The following EXTL3 variants were observed in gnomAD, a reference collection of about 807,000 sequenced individuals.
EXTL3 encodes the protein exostosin-like 3.
A neutral mutation model predicts 69.3 loss-of-function variants in EXTL3; 27 were observed. That is an observed-to-expected ratio of 0.39 (90% CI 0.29 to 0.54). The LOEUF is 0.54. Ranked by LOEUF, EXTL3 falls within the 20% of genes least tolerant of loss-of-function variation. The pLI is 0.69. For synonymous variants in EXTL3, 511 were observed against 499.4 expected (o/e 1.02, Z -0.31); for missense variants, 1,003 against 1,231.8 (o/e 0.81, Z 2.78).
At chr8:28,621,468 C>T (rs1806408615), upstream of EXTL3, among the ~76,000 whole-genome samples, 1 of 152,190 alleles carries the variant, frequency 6.6e-6, no homozygotes, top group Non-Finnish European at 1.5e-5. Flanking sequence ...AGACAGCACA[C>T]GTCTGCTGAT....
At chr8:28,729,595 CAAAAAAAAAA>C (rs567929424) in intron 3 of EXTL3, among the ~76,000 whole-genome samples, 5 of 33,234 alleles carry the variant, frequency 1.5e-4, no homozygotes, top group Admixed American at 5.1e-4. Flanking sequence ...GACTCCATCT[CAAAAAAAAAA>C]AAAAAAAAAA....
At chr8:28,674,417 T>C (rs1807346799) in intron 1 of EXTL3, among the ~76,000 whole-genome samples, 1 of 152,184 alleles carries the variant, frequency 6.6e-6, no homozygotes. Flanking sequence ...ATGAATATAA[T>C]GATGTTGGTT....
At chr8:28,630,011 C>T (rs1032857627) in intron 1 of EXTL3, among the ~76,000 whole-genome samples, 3 of 152,228 alleles carry the variant, frequency 2.0e-5, no homozygotes, top group Non-Finnish European at 2.9e-5. Context: ...TGACTCATCA[C>T]GATGATGCAT....
chr8:28,638,841 A>G (rs1806697239), intron 1 of EXTL3, among the ~76,000 whole-genome samples: 1 of 151,978 alleles, frequency 6.6e-6, no homozygotes, highest in Admixed American at 6.6e-5. Context: ...ATGTTTGCCA[A>G]GTTGGTCTTG....
At chr8:28,642,393 C>A (rs1806758784) in intron 1 of EXTL3, among the ~76,000 whole-genome samples, 1 of 150,586 alleles carries the variant, frequency 6.6e-6, no homozygotes, top group South Asian at 2.1e-4. Flanking sequence ...CTGCAGTGAG[C>A]CAAGATTGCA....
chr8:28,722,516 C>T (rs1801314161), intron 3 of EXTL3, among the ~76,000 whole-genome samples: 1 of 152,024 alleles, frequency 6.6e-6, no homozygotes, highest in Non-Finnish European at 1.5e-5. Flanking sequence ...TGGCTCACGC[C>T]TGTAATCCCA....
At chr8:28,666,151 C>A (rs1807193355) in intron 1 of EXTL3, among the ~76,000 whole-genome samples, 1 of 152,196 alleles carries the variant, frequency 6.6e-6, no homozygotes, top group Non-Finnish European at 1.5e-5. Flanking sequence ...CCTTTTTCAT[C>A]ATTTCAATGG....
At chr8:28,735,003 C>T (rs1801615292) in intron 4 of EXTL3, among the ~76,000 whole-genome samples, 1 of 152,192 alleles carries the variant, frequency 6.6e-6, no homozygotes, top group Non-Finnish European at 1.5e-5. Flanking sequence ...CACCCAGCCT[C>T]TCACATTTCC....
intron 1 of EXTL3, among the ~76,000 whole-genome samples, chr8:28,624,554 C>A (rs945709636): frequency 1.3e-5 from 2 of 152,010 alleles, no homozygotes; most frequent in African/African-American, 4.8e-5. Flanking sequence ...CAGAGTGAGA[C>A]CCTGTCTCAA....
chr8:28,682,541 C>A (rs1210898941), intron 1 of EXTL3, among the ~76,000 whole-genome samples: 1 of 152,164 alleles, frequency 6.6e-6, no homozygotes, highest in Non-Finnish European at 1.5e-5. Flanking sequence ...TTCCCAGGAT[C>A]AAGCGATTCT....
chr8:28,652,668 G>T (rs1182860981), intron 1 of EXTL3, among the ~76,000 whole-genome samples: 2 of 147,440 alleles, frequency 1.4e-5, no homozygotes, highest in Non-Finnish European at 3.0e-5. Flanking sequence ...AAAATATATA[G>T]ATATATTTAT....
intron 1 of EXTL3, among the ~76,000 whole-genome samples, chr8:28,661,456 T>C (rs1210525932): frequency 6.6e-6 from 1 of 151,840 alleles, no homozygotes; most frequent in East Asian, 1.9e-4. Flanking sequence ...GTATACATAA[T>C]AAAAAATATC....
chr8:28,756,166 C>T (rs1802118930), downstream of EXTL3, among the ~76,000 whole-genome samples: 1 of 152,228 alleles, frequency 6.6e-6, no homozygotes, highest in African/African-American at 2.4e-5. Flanking sequence ...CAAATGCACA[C>T]ACCTGTGTAA....
Position 28,755,329 on chromosome 8 carries a change from CCT to C in EXTL3, c.*4467_*4468del, listed in dbSNP as rs1017838096. 1.3e-5 allele frequency: 2 copies of C among 152,574 alleles called. No individual in the cohort carries two copies. Among genetic ancestry groups the C allele is most frequent in the Admixed American group, 6.5e-5 (1 of 15,284 alleles). The allele number at this position is 152,574 out of a possible 1,614,324, so 9.5% of individuals were successfully genotyped here. A position where few individuals can be genotyped will look rare whatever the true frequency, so the allele number is the denominator to read the frequency against. On this transcript the variant is annotated 3_prime_UTR_variant, in exon 7 of 7. Transcript: ENST00000220562. ...CTCTGCCTCCCACACCGGACTGCAG[CCT>C]CTCAAGAACACAGGAGTTCCATAGT...
intron 1 of EXTL3, among the ~76,000 whole-genome samples, chr8:28,640,272 C>A (rs1365688134): frequency 6.6e-6 from 1 of 152,146 alleles, no homozygotes; most frequent in Non-Finnish European, 1.5e-5. Flanking sequence ...TTCCAATTCT[C>A]TTCTAGATTT....
Position 28,751,200 on chromosome 8 carries a change from T to G in EXTL3, c.*334T>G. On this transcript the variant is annotated 3_prime_UTR_variant, in exon 7 of 7. Coordinates refer to ENST00000220562, the MANE Select transcript of EXTL3 (RefSeq NM_001440.4). Reference sequence around the variant, plus strand: ...TTTTTACATTCAATAACAACTATTATGATTATTTAAAAAGAGAAAGTTTCA... The same window carrying G: ...TTTTTACATTCAATAACAACTATTAGGATTATTTAAAAAGAGAAAGTTTCA... 1 of 316,188 alleles carries G rather than the reference T, an allele frequency of 3.2e-6. No individual in the cohort carries two copies. The highest frequency in any genetic ancestry group is 6.0e-6 in the Non-Finnish European group (1 of 167,224). 19.6% of individuals were successfully genotyped at this position (316,188 alleles called of 1,614,324 possible). A position where few individuals can be genotyped will look rare whatever the true frequency, so the allele number is the denominator to read the frequency against.
At chr8:28,633,931 G>C (rs7005785) in intron 1 of EXTL3, among the ~76,000 whole-genome samples, 12,798 of 152,224 alleles carry the variant, frequency 0.084, 1,495 homozygotes, top group African/African-American at 0.27. Context: ...GCCGACCTCT[G>C]TGTTAGCAAG....
rs368952303 is a variant in EXTL3, at chr8:28,731,661, C to G, written c.2276+311C>G. On this transcript the variant is annotated intron_variant, in intron 4 of 6. Transcript: ENST00000220562. ...AGGTGTATCATCCTTAAATCCAAAC[C>G]ACATGGGCAGAGAGTAGAGGCAACG... Among the ~76,000 whole-genome samples, 47 of 152,254 alleles carry G rather than the reference C, an allele frequency of 3.1e-4. No individual in the cohort carries two copies. The East Asian group carries it at 5.2e-3, about 17-fold the overall frequency.
chr8:28,619,760 TCTGCAGACAC>T (rs959615505), upstream of EXTL3, among the ~76,000 whole-genome samples: 34 of 147,740 alleles, frequency 2.3e-4, no homozygotes, highest in African/African-American at 8.1e-4. Flanking sequence ...AGCACAGGCA[TCTGCAGACAC>T]CACACATTAG....
Sources: allele counts gnomAD v4.1 joint callset (sites outside exome capture counted in the v4.1 genomes callset), GRCh38; gene constraint gnomAD v4.1.1; transcripts MANE v1.5; gene names NCBI Gene and HGNC (gene_info 2026-07-23, HGNC 2026-07-21).